The following DCAF8L2 variants were observed in gnomAD, a reference collection of about 807,000 sequenced individuals.
DCAF8L2 encodes the protein DDB1 and CUL4 associated factor 8 like 2.
For synonymous variants in DCAF8L2, 200 were observed against 190.9 expected (o/e 1.05, Z -0.39); for missense variants, 430 against 490.7 (o/e 0.88, Z 1.17).
At chrX:27,742,621 A>G (rs1283284739) in intron 4 of DCAF8L2, among the ~76,000 whole-genome samples, 1 of 110,823 alleles carries the variant, frequency 9.0e-6, no homozygotes, top group Admixed American at 9.6e-5. Context: ...AAGAGAAAGA[A>G]AAAGAAAACA....
chrX:27,694,261 T>C (rs760692643), intron 3 of DCAF8L2, among the ~76,000 whole-genome samples: 225 of 111,305 alleles, frequency 2.0e-3, no homozygotes, highest in Non-Finnish European at 2.6e-3. Flanking sequence ...TACTGCTCAC[T>C]ACCTGGGTGA....
chrX:27,509,486 G>A, the DCAF8L2 span, among the ~76,000 whole-genome samples: 1 of 112,292 alleles, frequency 8.9e-6, no homozygotes, highest in Non-Finnish European at 1.9e-5. Context: ...CTTATAAATA[G>A]TGACTATAAT....
intron 4 of DCAF8L2, among the ~76,000 whole-genome samples, chrX:27,725,156 C>T (rs778046438): frequency 1.8e-5 from 2 of 110,459 alleles, no homozygotes; most frequent in Non-Finnish European, 3.8e-5. Flanking sequence ...AGAAAGACTC[C>T]ATCCACAAGA....
intron 4 of DCAF8L2, among the ~76,000 whole-genome samples, chrX:27,725,670 T>C (rs1185808344): frequency 9.1e-6 from 1 of 110,160 alleles, no homozygotes; most frequent in Non-Finnish European, 1.9e-5. Context: ...TTAAATGTAA[T>C]TGAACACATA....
the DCAF8L2 span, among the ~76,000 whole-genome samples, chrX:27,535,306 C>T: frequency 9.0e-6 from 1 of 111,589 alleles, no homozygotes; most frequent in East Asian, 2.8e-4. Context: ...TTTATATTAC[C>T]AAGTAACAGA....
At chrX:27,683,188 A>G (rs1342064202) in intron 3 of DCAF8L2, among the ~76,000 whole-genome samples, 1 of 111,956 alleles carries the variant, frequency 8.9e-6, no homozygotes, top group Non-Finnish European at 1.9e-5. Flanking sequence ...AAACAAAAGG[A>G]AAAATAATTG....
intron 3 of DCAF8L2, among the ~76,000 whole-genome samples, chrX:27,704,181 C>CACACACACACACAT (rs200753295): frequency 3.4e-5 from 3 of 89,466 alleles, no homozygotes; most frequent in East Asian, 3.4e-4. Context: ...TATACATATA[C>CACACACACACACAT]ACACACACAT....
the DCAF8L2 span, among the ~76,000 whole-genome samples, chrX:27,558,099 T>G: frequency 9.0e-6 from 1 of 111,516 alleles, no homozygotes; most frequent in Non-Finnish European, 1.9e-5. Context: ...CTGACACCCT[T>G]GAGTGCCTGG....
intron 3 of DCAF8L2, among the ~76,000 whole-genome samples, chrX:27,678,430 A>C (rs2147237010): frequency 8.9e-6 from 1 of 111,893 alleles, no homozygotes; most frequent in East Asian, 2.8e-4. Context: ...TGGAAACAAC[A>C]AAAATGTCTA....
the DCAF8L2 span, among the ~76,000 whole-genome samples, chrX:27,498,783 A>G: frequency 8.9e-6 from 1 of 112,275 alleles, no homozygotes; most frequent in East Asian, 2.8e-4. Context: ...TAGATTCCAC[A>G]TATAAATGGG....
the DCAF8L2 span, among the ~76,000 whole-genome samples, chrX:27,559,952 A>C: frequency 1.3e-5 from 1 of 75,752 alleles, no homozygotes; most frequent in Non-Finnish European, 2.5e-5. Flanking sequence ...AAACTTGTGC[A>C]ACTTCTCTTT....
chrX:27,720,595 G>C (rs987092747), intron 4 of DCAF8L2, among the ~76,000 whole-genome samples: 1 of 110,597 alleles, frequency 9.0e-6, no homozygotes, highest in Non-Finnish European at 1.9e-5. Flanking sequence ...GGATGGTCTC[G>C]ATCTCCTGAC....
At chrX:27,488,542 T>C in the DCAF8L2 span, among the ~76,000 whole-genome samples, 1 of 78,636 alleles carries the variant, frequency 1.3e-5, no homozygotes, top group Non-Finnish European at 2.3e-5. Flanking sequence ...TGTGTGTGTG[T>C]GTGTGTGTGT....
the DCAF8L2 span, chrX:27,518,425 G>T: frequency 5.1e-6 from 3 of 593,924 alleles, no homozygotes; most frequent in Non-Finnish European, 8.7e-6. Context: ...GAAATATATG[G>T]TGTCAACTAT....
chrX:27,610,287 T>C (rs971050928), intron 1 of DCAF8L2, among the ~76,000 whole-genome samples: 3 of 110,975 alleles, frequency 2.7e-5, no homozygotes, highest in Non-Finnish European at 5.7e-5. Flanking sequence ...CGAAACTACA[T>C]TAATAAGTGC....
chrX:27,558,328 T>G, the DCAF8L2 span, among the ~76,000 whole-genome samples: 8 of 111,737 alleles, frequency 7.2e-5, no homozygotes, highest in African/African-American at 9.8e-5. Context: ...TGTATGCAAT[T>G]GTACTTTATA....
intron 2 of DCAF8L2, among the ~76,000 whole-genome samples, chrX:27,660,877 G>A (rs1929535975): frequency 8.9e-6 from 1 of 112,216 alleles, no homozygotes; most frequent in African/African-American, 3.2e-5. Context: ...AAACAGCATG[G>A]GTTCAGATGC....
At chrX:27,659,333 A>G (rs1929469113) in intron 2 of DCAF8L2, among the ~76,000 whole-genome samples, 1 of 112,093 alleles carries the variant, frequency 8.9e-6, no homozygotes, top group Admixed American at 9.5e-5. Context: ...CTCTAACTCT[A>G]AAGCTCAGTT....
intron 1 of DCAF8L2, among the ~76,000 whole-genome samples, chrX:27,603,288 G>A (rs1255698072): frequency 9.0e-6 from 1 of 111,679 alleles, no homozygotes; most frequent in East Asian, 2.8e-4. Context: ...TTAAGCTTCT[G>A]TGCTCATTTT....
Sources: allele counts gnomAD v4.1 joint callset (sites outside exome capture counted in the v4.1 genomes callset), GRCh38; gene constraint gnomAD v4.1.1; transcripts MANE v1.5; gene names NCBI Gene and HGNC (gene_info 2026-07-23, HGNC 2026-07-21).